Variants in PRG4 observed in about 807,000 individuals in gnomAD.
PRG4 encodes the protein articular superficial zone protein.
Under a neutral mutation model 91.2 loss-of-function variants are expected in PRG4, and 61 were observed. That is an observed-to-expected ratio of 0.67 (90% CI 0.54 to 0.83). The LOEUF (loss-of-function observed/expected upper bound fraction) is 0.83, where lower values mean the gene tolerates loss of function less well. PRG4 is among the 40% of genes least tolerant of loss of function. The pLI is 0.00. For missense variants in PRG4, 1,564 were observed against 1,714.2 expected (o/e 0.91, Z 1.55); for synonymous variants, 576 against 614.2 (o/e 0.94, Z 0.92).
intron 8 of PRG4, among the ~76,000 whole-genome samples, chr1:186,310,195 G>T (rs1424565887): frequency 1.4e-5 from 2 of 147,586 alleles, no homozygotes; most frequent in South Asian, 2.2e-4. Context: ...CATACCAAAT[G>T]AAATGACACC....
intron 2 of PRG4, among the ~76,000 whole-genome samples, chr1:186,297,315 T>G (rs1407077522): frequency 6.6e-6 from 1 of 152,232 alleles, no homozygotes; most frequent in Non-Finnish European, 1.5e-5. Context: ...TTTGCCTATA[T>G]GTTGAACAAT....
In PRG4 at chr1:186,307,627, C is replaced by T; in HGVS notation, c.1908C>T (p.Thr636=). The part of the protein sequence containing the change: ...PTTPEKLAPT[T]PEKPAPTTPE... ...CCCCCGAGAAGCTCGCACCCACCAC[C>T]CCTGAGAAGCCCGCACCCACCACCC... The change falls in exon 7 of 13, where the codon ACC becomes ACT. Residue 636 remains threonine, a synonymous_variant. Coordinates refer to ENST00000445192, the MANE Select transcript of PRG4 (RefSeq NM_005807.6). The T allele has an allele frequency of 2.5e-6, 4 of 1,596,238 alleles. No individual in the cohort carries two copies. The highest frequency in any genetic ancestry group is 3.4e-6 in the Non-Finnish European group (4 of 1,173,490).
intron 10 of PRG4, 110 bp downstream of exon 10, chr1:186,311,706 A>C: frequency 8.4e-7 from 1 of 1,192,904 alleles, no homozygotes; most frequent in Non-Finnish European, 1.2e-6. Flanking sequence ...GCTGAAATCA[A>C]ATATTTTCAG....
chr1:186,309,830 A>G lies in PRG4; in HGVS notation c.3459A>G (p.Gly1153=), dbSNP rs146078887. 7 of 1,613,618 alleles carry G rather than the reference A, an allele frequency of 4.3e-6. No individual in the cohort carries two copies. In the African/African-American group the frequency reaches 8.0e-5, roughly 18 times the overall value. The part of the protein sequence containing the change: ...TNICNGKPVD[G]LTTLRNGTLV... ...TATGCAATGGTAAGCCAGTAGATGG[A>G]CTGACTACTTTGCGCAATGGGACAT... The change falls in exon 8 of 13, where the codon GGA becomes GGG. Residue 1153 remains glycine (G), a synonymous_variant. Transcript: ENST00000445192.
chr1:186,296,629 A>G (rs1306765160), intron 1 of PRG4, among the ~76,000 whole-genome samples: 3 of 152,244 alleles, frequency 2.0e-5, no homozygotes, highest in African/African-American at 2.4e-5. Context: ...AAAACTGTCA[A>G]TAACGTGGCT....
chr1:186,312,051 C>G, intron 10 of PRG4, 124 bp from the exon 11 acceptor site: 2 of 741,856 alleles, frequency 2.7e-6, no homozygotes, highest in Non-Finnish European at 4.5e-6. Flanking sequence ...TTATTAATAT[C>G]AATATATTAT....
Position 186,308,372 on chromosome 1 carries a change from A to C in PRG4, c.2653A>C (p.Thr885Pro), listed in dbSNP as rs760495240. 3.1e-6 allele frequency: 5 copies of C among 1,613,968 alleles called. No homozygotes were observed. The Admixed American group carries it at 8.3e-5, about 27-fold the overall frequency. The change falls in exon 7 of 13, where the codon ACA becomes CCA. Residue 885 changes from threonine to proline, a missense_variant. Transcript: ENST00000445192. ...ESTPELSAEP[T>P]PKALENSPKE... ...AACTCCTGAGCTTTCTGCAGAACCC[A>C]CACCAAAAGCTCTTGAAAACAGTCC...
In PRG4 at chr1:186,308,089, A is replaced by C; in HGVS notation, c.2370A>C (p.Ala790=). ...CTCCAACTACCCTCAAGGAACCTGC[A>C]CCCACTACTCCCAAGAAGCCTGCCC... ...GTAPTTLKEP[A]PTTPKKPAPK... is the part of the protein sequence containing the mutation. The change falls in exon 7 of 13, where the codon GCA becomes GCC. Residue 790 remains alanine (A), a synonymous_variant. Transcript: ENST00000445192. 6.2e-7 allele frequency: 1 copy of C among 1,603,532 alleles called. No individual in the cohort carries two copies. Among genetic ancestry groups the C allele is most frequent in the Non-Finnish European group, 8.5e-7 (1 of 1,177,076 alleles).
chr1:186,312,776 T>C lies in PRG4; in HGVS notation c.3999T>C (p.Leu1333=). 1 of 1,613,012 alleles carries C rather than the reference T, an allele frequency of 6.2e-7. No individual in the cohort carries two copies. Among genetic ancestry groups the C allele is most frequent in the African/African-American group, 1.3e-5 (1 of 75,018 alleles). Residue 1333 remains leucine (L), a synonymous_variant, in exon 12 of 13, where the codon CTT becomes CTC. Transcript: ENST00000445192. ...ARLAYQDKGV[L]HNEVKVSILW... Reference sequence around the variant, plus strand: ...TAAACATGCCACTTACAGGTGTCCTTCATAATGAAGTTAAAGTGAGTATAC... The same window carrying C: ...TAAACATGCCACTTACAGGTGTCCTCCATAATGAAGTTAAAGTGAGTATAC...
rs1343130851 is a variant in PRG4 at position 186,307,390 on chromosome 1, C to T, written c.1671C>T (p.Thr557=). Residue 557 remains threonine (T), a synonymous_variant, in exon 7 of 13, where the codon ACC becomes ACT. Coordinates refer to ENST00000445192, the MANE Select transcript of PRG4 (RefSeq NM_005807.6). The part of the protein sequence containing the change: ...TTPKEPSPTT[T]KEPAPTTPKE... Reference sequence around the variant, plus strand: ...CCAAGGAGCCTTCACCCACCACCACCAAGGAGCCTGCACCCACCACTCCCA... The same window carrying T: ...CCAAGGAGCCTTCACCCACCACCACTAAGGAGCCTGCACCCACCACTCCCA... The T allele has an allele frequency of 2.5e-6, 4 of 1,599,230 alleles. No homozygotes were observed. Among genetic ancestry groups the T allele is most frequent in the Middle Eastern group, 1.7e-4 (1 of 5,814 alleles).
At position 186,308,522 on chromosome 1, in the gene PRG4, C is replaced by T; in HGVS notation, c.2803C>T (p.Pro935Ser). Reference sequence around the variant, plus strand: ...TACACCTGAAACTACAACTGCTGCACCTAAGATGACAAAAGAGACAGCAAC... The same window carrying T: ...TACACCTGAAACTACAACTGCTGCATCTAAGATGACAAAAGAGACAGCAAC... Reference protein sequence around the residue: ...RTTPETTTAAPKMTKETATTT... With the variant: ...RTTPETTTAASKMTKETATTT... Residue 935 changes from proline (P) to serine (S), a missense_variant, in exon 7 of 13, where the codon CCT becomes TCT. Around this residue, in one of 3 missense-constraint regions of PRG4, gnomAD observed 1,079 missense variants for 1,162.2 expected, o/e 0.93. Transcript: ENST00000445192. The T allele has an allele frequency of 6.2e-7, 1 of 1,613,702 alleles. No homozygotes were observed. Among genetic ancestry groups the T allele is most frequent in the Non-Finnish European group, 8.5e-7 (1 of 1,180,030 alleles).
Position 186,314,123 on chromosome 1 carries a change from T to C in PRG4, c.*345T>C, listed in dbSNP as rs1305070666. Reference sequence around the variant, plus strand: ...GTTCATTATAAAAAATATCTAGGCATTGTGGATATAAAACTGTTGGGTATT... The same window carrying C: ...GTTCATTATAAAAAATATCTAGGCACTGTGGATATAAAACTGTTGGGTATT... On this transcript the variant is annotated 3_prime_UTR_variant, in exon 13 of 13. Coordinates refer to ENST00000445192, the MANE Select transcript of PRG4 (RefSeq NM_005807.6). 1.7e-6 allele frequency: 2 copies of C among 1,159,528 alleles called. No individual in the cohort carries two copies. The highest frequency in any genetic ancestry group is 1.5e-5 in the African/African-American group (1 of 64,810). The allele number at this position is 1,159,528 out of a possible 1,614,324, so 71.8% of individuals were successfully genotyped here.
rs1656907743 is a variant in PRG4, at chr1:186,308,437, G to A, written c.2718G>A (p.Ala906=). 6 of 1,613,882 alleles carry A rather than the reference G, an allele frequency of 3.7e-6. No individual in the cohort carries two copies. Among genetic ancestry groups the A allele is most frequent in the East Asian group, 2.2e-5 (1 of 44,876 alleles). The change falls in exon 7 of 13, where the codon GCG becomes GCA. Residue 906 remains alanine (A), a synonymous_variant. Coordinates refer to ENST00000445192, the MANE Select transcript of PRG4 (RefSeq NM_005807.6). ...PGVPTTKTPA[A]TKPEMTTTAK... is the part of the protein sequence containing the mutation. ...TACCTACAACTAAGACTCCTGCAGC[G>A]ACTAAACCTGAAATGACTACAACAG... is the stretch of plus-strand genomic sequence containing the variant.
intron 4 of PRG4, among the ~76,000 whole-genome samples, chr1:186,303,823 G>A (rs1043828572): frequency 2.0e-5 from 3 of 152,178 alleles, no homozygotes. Context: ...ATAATTATTT[G>A]CCTAAGGTCA....
Position 186,313,476 on chromosome 1 carries a change from GAA to G in PRG4, c.4118-203_4118-202del. The G allele has an allele frequency of 1.2e-5, 6 of 520,656 alleles. No homozygotes were observed. In the East Asian group the frequency reaches 1.9e-4, roughly 17 times the overall value. 32.3% of individuals were successfully genotyped at this position (520,656 alleles called of 1,614,324 possible). Reference sequence around the variant, plus strand: ...GAACCTGATTTTACAAAAAGATGGTGAAATGTCAATCTTTTGAAACATCAAAA... The same window carrying G: ...GAACCTGATTTTACAAAAAGATGGTGATGTCAATCTTTTGAAACATCAAAA... On this transcript the variant is annotated intron_variant, in intron 12 of 12. Transcript: ENST00000445192.
At chr1:186,302,486 T>G (rs1414285407) in intron 4 of PRG4, among the ~76,000 whole-genome samples, 1 of 152,258 alleles carries the variant, frequency 6.6e-6, no homozygotes, top group African/African-American at 2.4e-5. Flanking sequence ...CAAGAATATT[T>G]GTGGAGGTAA....
chr1:186,302,448 G>T (rs1477117179), intron 4 of PRG4, among the ~76,000 whole-genome samples: 1 of 152,080 alleles, frequency 6.6e-6, no homozygotes, highest in African/African-American at 2.4e-5. Flanking sequence ...TTACCAAATG[G>T]TTGTTCTTAA....
rs746896075 is a variant in PRG4 at position 186,301,674 on chromosome 1, C to G, written c.282C>G (p.Asp94Glu). 2 of 1,613,738 alleles carry G rather than the reference C, an allele frequency of 1.2e-6. No homozygotes were observed. Among genetic ancestry groups the G allele is most frequent in the South Asian group, 2.2e-5 (2 of 91,070 alleles). Residue 94 changes from aspartate (D) to glutamate (E), a missense_variant, in exon 4 of 13, where the codon GAC (aspartate) becomes GAG (glutamate). Physicochemically the swap from Asp to Glu is conservative, Grantham distance 45. This residue lies in a region of PRG4 where 437 missense variants were observed against 459.0 expected (regional missense o/e 0.95). Transcript: ENST00000445192. ...CDCDAQCKKY[D>E]KCCPDYESFC... ...GCGACGCCCAATGTAAGAAGTATGA[C>G]AAGTGCTGTCCCGATTATGAGAGTT...
At position 186,307,607 on chromosome 1, in the gene PRG4, GAGA is replaced by G. The variant is rs1557949189; in HGVS notation, c.1891_1893del (p.Lys631del). On this transcript the variant is annotated inframe_deletion, in exon 7 of 13. Coordinates refer to ENST00000445192, the MANE Select transcript of PRG4 (RefSeq NM_005807.6). ...CAAGAAGCTCACGCCCACCACCCCCGAGAAGCTCGCACCCACCACCCCTGAGAA... is the reference window on the plus strand; with the variant it reads ...CAAGAAGCTCACGCCCACCACCCCCGAGCTCGCACCCACCACCCCTGAGAA... 1 of 721,010 alleles carries G rather than the reference GAGA, an allele frequency of 1.4e-6. No individual in the cohort carries two copies. The highest frequency in any genetic ancestry group is 1.8e-6 in the Non-Finnish European group (1 of 559,380). The allele number at this position is 721,010 out of a possible 1,614,324, so 44.7% of individuals were successfully genotyped here.
Sources: gnomAD v4.1 joint callset for allele counts (sites outside exome capture counted in the v4.1 genomes callset) on GRCh38, gnomAD v4.1.1 for gene constraint, gnomAD v4.1.1 regional missense constraint, MANE v1.5 for transcripts, NCBI Gene and HGNC (gene_info 2026-07-23, HGNC 2026-07-21) for gene names.